Variants in SMCO2 observed in about 807,000 individuals in gnomAD.
The protein encoded by SMCO2 is single-pass membrane and coiled-coil domain-containing protein 2.
Under a neutral mutation model 29.5 loss-of-function variants are expected in SMCO2, and 25 were observed. The ratio of observed to expected loss-of-function variants is 0.85; its 90% CI spans 0.62 to 1.18. The LOEUF (loss-of-function observed/expected upper bound fraction) is 1.18. SMCO2 is among the 50% of genes most tolerant of loss of function. SMCO2 has a pLI of 0.00. For synonymous variants in SMCO2, 117 were observed against 123.3 expected (o/e 0.95, Z 0.34); for missense variants, 348 against 344.5 (o/e 1.01, Z -0.08).
the SMCO2 span, among the ~76,000 whole-genome samples, chr12:27,441,093 C>CAA: frequency 1.3e-5 from 2 of 151,274 alleles, no homozygotes; most frequent in African/African-American, 4.9e-5. Flanking sequence ...CATGTCTCCA[C>CAA]AAAAAAAATA....
At chr12:27,488,488 G>T in exon 5 of SMCO2, 2 of 1,537,392 alleles carry the variant, frequency 1.3e-6, no homozygotes, top group Middle Eastern at 1.7e-4. Flanking sequence ...GACCCTGAAG[G>T]GTCAAATTGA....
chr12:27,439,321 G>A, the SMCO2 span, among the ~76,000 whole-genome samples: 1 of 152,176 alleles, frequency 6.6e-6, no homozygotes, highest in Admixed American at 6.5e-5. Flanking sequence ...CCCCATTTGG[G>A]ACAGGCAGTG....
chr12:27,501,894 G>A lies in SMCO2; in HGVS notation c.684-29G>A, dbSNP rs371008105. On this transcript the variant is annotated intron_variant, in intron 7 of 7. Coordinates refer to ENST00000298876, the Ensembl canonical transcript of SMCO2. ...TCAATGTGATTATTTTCAGAATTTG[G>A]TTAACACAGATGTTTTCTCTCTTTG... The A allele has an allele frequency of 1.2e-5, 17 of 1,461,516 alleles. No individual in the cohort carries two copies. In the African/African-American group the frequency reaches 1.3e-4, roughly 11 times the overall value. 90.5% of individuals were successfully genotyped at this position (1,461,516 alleles called of 1,614,324 possible). A position where few individuals can be genotyped will look rare whatever the true frequency, so the allele number is the denominator to read the frequency against.
At chr12:27,443,667 C>T in the SMCO2 span, among the ~76,000 whole-genome samples, 1 of 152,098 alleles carries the variant, frequency 6.6e-6, no homozygotes, top group South Asian at 2.1e-4. Context: ...AATAAAGGTG[C>T]AGGACACAAA....
chr12:27,460,618 G>A, the SMCO2 span, among the ~76,000 whole-genome samples: 1 of 152,128 alleles, frequency 6.6e-6, no homozygotes, highest in Non-Finnish European at 1.5e-5. Context: ...TGTCTCAGGG[G>A]TGGCAGAGGC....
intron 5 of SMCO2, among the ~76,000 whole-genome samples, chr12:27,491,296 G>T (rs1441395163): frequency 6.6e-6 from 1 of 152,138 alleles, no homozygotes; most frequent in Non-Finnish European, 1.5e-5. Flanking sequence ...GGACTTTGAG[G>T]TGGCCTTTGG....
intron 4 of SMCO2, among the ~76,000 whole-genome samples, chr12:27,485,183 T>C (rs1324829766): frequency 6.6e-6 from 1 of 151,704 alleles, no homozygotes; most frequent in African/African-American, 2.4e-5. Flanking sequence ...TCTATCACTA[T>C]ATCTTAAAAT....
At chr12:27,495,733 G>A in exon 7 of SMCO2, 1 of 1,534,960 alleles carries the variant, frequency 6.5e-7, no homozygotes, top group Non-Finnish European at 8.8e-7. Context: ...TGTATCAAAT[G>A]GAGGCAGAGG....
At chr12:27,496,515 T>G (rs1943005331) in intron 7 of SMCO2, among the ~76,000 whole-genome samples, 1 of 150,742 alleles carries the variant, frequency 6.6e-6, no homozygotes, top group African/African-American at 2.5e-5. Flanking sequence ...AAGTTTTGTT[T>G]GCTGTGCAGG....
At chr12:27,432,021 C>T in the SMCO2 span, among the ~76,000 whole-genome samples, 9 of 152,148 alleles carry the variant, frequency 5.9e-5, no homozygotes, top group Admixed American at 1.3e-4. Flanking sequence ...TTGCATTTCT[C>T]TAATGATTAG....
chr12:27,466,167 A>G (rs956104501), upstream of SMCO2, among the ~76,000 whole-genome samples: 4 of 152,312 alleles, frequency 2.6e-5, no homozygotes, highest in Non-Finnish European at 5.9e-5. Flanking sequence ...CACGCCTGTA[A>G]TCCTAGCATT....
At chr12:27,450,597 C>CA in the SMCO2 span, among the ~76,000 whole-genome samples, 973 of 152,306 alleles carry the variant, frequency 6.4e-3, 11 homozygotes, top group African/African-American at 0.022. Flanking sequence ...AGGAGGATCA[C>CA]AACCCAAAGT....
chr12:27,455,065 C>A, the SMCO2 span, among the ~76,000 whole-genome samples: 8 of 152,036 alleles, frequency 5.3e-5, no homozygotes, highest in African/African-American at 1.9e-4. Flanking sequence ...ATTTAACAGC[C>A]AGGAAGGCAT....
At chr12:27,484,911 A>G (rs1379754061) in intron 4 of SMCO2, among the ~76,000 whole-genome samples, 2 of 146,940 alleles carry the variant, frequency 1.4e-5, no homozygotes, top group African/African-American at 4.9e-5. Flanking sequence ...AATCATTTTT[A>G]TATGATCGAC....
At chr12:27,455,337 TTACAAA>T in the SMCO2 span, among the ~76,000 whole-genome samples, 1 of 152,222 alleles carries the variant, frequency 6.6e-6, no homozygotes, top group East Asian at 1.9e-4. Flanking sequence ...TTTATTACTA[TTACAAA>T]TAGAATAGCT....
chr12:27,480,696 A>T (rs1457767407), intron 4 of SMCO2, among the ~76,000 whole-genome samples: 4 of 148,474 alleles, frequency 2.7e-5, no homozygotes, highest in African/African-American at 1.0e-4. Context: ...AGAATGTGGC[A>T]CCTCTCCCCC....
At chr12:27,496,568 A>G (rs1252528867) in intron 7 of SMCO2, among the ~76,000 whole-genome samples, 3 of 150,602 alleles carry the variant, frequency 2.0e-5, no homozygotes. Flanking sequence ...CTACCAGCAA[A>G]TTCTGGCTCT....
intron 1 of SMCO2, among the ~76,000 whole-genome samples, chr12:27,469,728 A>G (rs1326688178): frequency 6.6e-6 from 1 of 152,152 alleles, no homozygotes; most frequent in Non-Finnish European, 1.5e-5. Flanking sequence ...TTTTGTATCT[A>G]TCCTTTCCCT....
chr12:27,457,952 A>G, the SMCO2 span, among the ~76,000 whole-genome samples: 1 of 152,258 alleles, frequency 6.6e-6, no homozygotes, highest in Non-Finnish European at 1.5e-5. Context: ...GCACCAGCAG[A>G]AAGATTAAAA....
Sources: gnomAD v4.1 joint callset for allele counts (sites outside exome capture counted in the v4.1 genomes callset) on GRCh38, gnomAD v4.1.1 for gene constraint, MANE v1.5 for transcripts, NCBI Gene and HGNC (gene_info 2026-07-23, HGNC 2026-07-21) for gene names.